The following ZFYVE9 variants were observed in gnomAD, a reference collection of about 807,000 sequenced individuals.
ZFYVE9 encodes zinc finger FYVE-type containing 9, also known as zinc finger FYVE domain-containing protein 9.
A neutral mutation model predicts 126.7 loss-of-function variants in ZFYVE9; 43 were observed. The ratio of observed to expected loss-of-function variants is 0.34; its 90% confidence interval spans 0.27 to 0.44. ZFYVE9 has a LOEUF of 0.44. ZFYVE9 is among the 20% of genes least tolerant of loss of function. ZFYVE9 has a pLI of 1.00. For synonymous variants in ZFYVE9, 521 were observed against 597.4 expected, an observed-to-expected ratio of 0.87 and a Z score of 1.87; for missense variants, 1,476 against 1,697.0, an observed-to-expected ratio of 0.87 and a Z score of 2.29.
In ZFYVE9 at chr1:52,251,862, C is replaced by G. The variant is rs74336253; in HGVS notation, c.2179-11911C>G. ...AGTTTTTGATTACTGATTCAGTCTC[C>G]CCACTAGTTATAGGTTTATTCAGAT... On this transcript the variant is annotated intron_variant, in intron 4 of 18. Transcript: ENST00000287727. Among the ~76,000 whole-genome samples, 6 of 152,202 alleles carry G rather than the reference C, an allele frequency of 3.9e-5. No homozygotes were observed. The East Asian group carries it at 1.2e-3, about 29-fold the overall frequency.
At chr1:52,294,810 T>C (rs1202872413) in intron 11 of ZFYVE9, among the ~76,000 whole-genome samples, 2 of 152,234 alleles carry the variant, frequency 1.3e-5, no homozygotes, top group Admixed American at 1.3e-4. Flanking sequence ...AACATGTGTA[T>C]CTTCCTATTT....
At chr1:52,176,480 A>T (rs1339223346) in intron 1 of ZFYVE9, among the ~76,000 whole-genome samples, 1 of 152,192 alleles carries the variant, frequency 6.6e-6, no homozygotes, top group Non-Finnish European at 1.5e-5. Flanking sequence ...CCATTCTCAG[A>T]TCTCCACCTG....
At chr1:52,319,167 A>C (rs1375347188) in intron 13 of ZFYVE9, among the ~76,000 whole-genome samples, 1 of 152,216 alleles carries the variant, frequency 6.6e-6, no homozygotes, top group African/African-American at 2.4e-5. Context: ...TGTAATACTT[A>C]TACACTGAAA....
intron 1 of ZFYVE9, among the ~76,000 whole-genome samples, chr1:52,184,203 A>C (rs57550964): frequency 4.9e-5 from 7 of 143,838 alleles, no homozygotes; most frequent in Admixed American, 1.4e-4. Context: ...GTCATTATAT[A>C]TATATATTTA....
intron 4 of ZFYVE9, among the ~76,000 whole-genome samples, chr1:52,260,276 G>A (rs1645566196): frequency 2.0e-5 from 3 of 151,912 alleles, no homozygotes; most frequent in South Asian, 4.2e-4. Context: ...GTCATGTGTG[G>A]TATTTACTAT....
intron 1 of ZFYVE9, among the ~76,000 whole-genome samples, chr1:52,190,915 T>G (rs1476938797): frequency 1.3e-5 from 2 of 152,038 alleles, no homozygotes; most frequent in East Asian, 3.8e-4. Context: ...TAGATAAATA[T>G]CTATTATATT....
At chr1:52,323,229 C>T (rs544824504) in intron 13 of ZFYVE9, among the ~76,000 whole-genome samples, 10 of 152,316 alleles carry the variant, frequency 6.6e-5, no homozygotes, top group Non-Finnish European at 1.3e-4. Flanking sequence ...GCACGTATCC[C>T]CATGCAGTGG....
Position 52,238,677 on chromosome 1 carries a change from A to T in ZFYVE9, c.1260A>T (p.Glu420Asp). 6.2e-7 allele frequency: 1 copy of T among 1,614,136 alleles called. No individual in the cohort carries two copies. Among genetic ancestry groups the T allele is most frequent in the Non-Finnish European group, 8.5e-7 (1 of 1,179,980 alleles). Residue 420 changes from glutamate (E) to aspartate (D), a missense_variant, in exon 4 of 19, where the codon GAA becomes GAT. Physicochemically the swap from Glu to Asp is conservative, Grantham distance 45. Around this residue, in one of 2 missense-constraint regions of ZFYVE9, gnomAD observed 807 missense variants for 794.6 expected, o/e 1.02. Transcript: ENST00000287727. Reference sequence around the variant, plus strand: ...ATAGCCAAGTAAACGAAGAAAAGGAAAAGTTTCTACAGATTAGTCAGCCTG... The same window carrying T: ...ATAGCCAAGTAAACGAAGAAAAGGATAAGTTTCTACAGATTAGTCAGCCTG... ...MNDSQVNEEK[E>D]KFLQISQPED...
chr1:52,215,833 G>A (rs1476484950), intron 1 of ZFYVE9, among the ~76,000 whole-genome samples: 1 of 152,104 alleles, frequency 6.6e-6, no homozygotes, highest in Non-Finnish European at 1.5e-5. Flanking sequence ...TTAATACTGG[G>A]TTAATAGATC....
chr1:52,293,473 G>A lies in ZFYVE9; in HGVS notation c.3046G>A (p.Gly1016Arg). ...TTTAGGGAATGTGGTGAGCAACTTG[G>A]GACATTCCTTCTTCAGTCAAAGTTT... ...ALAGNVVSNL[G>R]HSFFSQSFLG... is the part of the protein sequence containing the mutation. The change falls in exon 11 of 19, where the codon GGA (glycine) becomes AGA (arginine). Residue 1016 changes from glycine to arginine, a missense_variant. By Grantham distance (125) the Gly-to-Arg change is moderately radical. Transcript: ENST00000287727. 6.2e-7 allele frequency: 1 copy of A among 1,613,764 alleles called. No individual in the cohort carries two copies. The highest frequency in any genetic ancestry group is 8.5e-7 in the Non-Finnish European group (1 of 1,179,942).
chr1:52,345,449 C>G (rs1004606874), intron 18 of ZFYVE9, among the ~76,000 whole-genome samples: 2 of 152,316 alleles, frequency 1.3e-5, no homozygotes, highest in African/African-American at 2.4e-5. Flanking sequence ...ATGAAAGGTT[C>G]TGTGTCTGGC....
intron 1 of ZFYVE9, among the ~76,000 whole-genome samples, chr1:52,143,190 C>G (rs562084516): frequency 1.3e-5 from 2 of 152,144 alleles, no homozygotes; most frequent in South Asian, 2.1e-4. Flanking sequence ...CAAAAATGTT[C>G]CACTTAAAGA....
chr1:52,263,760 C>CT lies in ZFYVE9; in HGVS notation c.2179-13_2179-12insT, dbSNP rs765428713. On this transcript the variant is annotated splice_polypyrimidine_tract_variant and intron_variant, in intron 4 of 18. Coordinates refer to ENST00000287727, the MANE Select transcript of ZFYVE9 (RefSeq NM_004799.4). ...GTAAATTTTGTGTGTTCTTCCCCCC[C>CT]CCCCCCCCACAGGTTTTCTGTGCTT... The CT allele has an allele frequency of 1.5e-4, 74 of 495,720 alleles. 1 individual carries two copies. The African/African-American group carries it at 1.8e-3, about 12-fold the overall frequency. 30.7% of individuals were successfully genotyped at this position (495,720 alleles called of 1,614,324 possible). A position where few individuals can be genotyped will look rare whatever the true frequency, so the allele number is the denominator to read the frequency against.
intron 1 of ZFYVE9, chr1:52,180,492 T>C (rs1644687897): frequency 1.1e-6 from 1 of 875,774 alleles, no homozygotes; most frequent in Admixed American, 1.7e-5. Flanking sequence ...TGAAGATGTA[T>C]TGCTGTCCTC....
rs79650816 is a variant in ZFYVE9, at chr1:52,145,366, T to A, written c.-143+2963T>A. Among the ~76,000 whole-genome samples the A allele has an allele frequency of 4.1e-3, 618 of 152,318 alleles. 3 individuals carry two copies. The highest frequency in any genetic ancestry group is 0.014 in the African/African-American group (590 of 41,560). ...CCTTGTAAACGTGCTAGCCACAGAC[T>A]GGTTGCAAGGCACAAAGCTTGTTTA... On this transcript the variant is annotated intron_variant, in intron 1 of 18. Coordinates refer to ENST00000287727, the MANE Select transcript of ZFYVE9 (RefSeq NM_004799.4).
intron 3 of ZFYVE9, among the ~76,000 whole-genome samples, chr1:52,236,423 TG>T (rs1645273735): frequency 6.6e-6 from 1 of 152,178 alleles, no homozygotes; most frequent in Non-Finnish European, 1.5e-5. Context: ...TGAAGATTAA[TG>T]TTACAGATGA....
At chr1:52,251,159 C>T (rs1645442643) in intron 4 of ZFYVE9, among the ~76,000 whole-genome samples, 1 of 152,046 alleles carries the variant, frequency 6.6e-6, no homozygotes, top group Non-Finnish European at 1.5e-5. Flanking sequence ...GCAACCTCTG[C>T]CTCTCGGGTT....
intron 1 of ZFYVE9, among the ~76,000 whole-genome samples, chr1:52,198,279 C>G (rs150634873): frequency 3.3e-5 from 5 of 151,652 alleles, no homozygotes; most frequent in African/African-American, 1.2e-4. Context: ...CCAACCACCA[C>G]GCTCAGAAAA....
At chr1:52,268,730 G>C in intron 7 of ZFYVE9, 98 bp downstream of exon 7, 1 of 1,420,696 alleles carries the variant, frequency 7.0e-7, no homozygotes, top group Non-Finnish European at 9.5e-7. Flanking sequence ...TGTAGGTTTT[G>C]GATACAACTT....
Sources: gnomAD v4.1 joint callset for allele counts (sites outside exome capture counted in the v4.1 genomes callset) on GRCh38, gnomAD v4.1.1 for gene constraint, gnomAD v4.1.1 regional missense constraint, MANE v1.5 for transcripts, NCBI Gene and HGNC (gene_info 2026-07-23, HGNC 2026-07-21) for gene names.